COL23A1: variants seen among roughly 807,000 people sequenced by gnomAD.
The protein encoded by COL23A1 is collagen alpha-1(XXIII) chain.
In COL23A1, 97 loss-of-function variants were observed where a neutral mutation model predicts 99.3. That is an observed-to-expected ratio of 0.98 (90% CI 0.83 to 1.16). COL23A1 has a LOEUF of 1.16. Ranked by LOEUF, COL23A1 falls within the 50% of genes most tolerant of loss-of-function variation. COL23A1 has a pLI of 0.00. For synonymous variants in COL23A1, 320 were observed against 308.2 expected (o/e 1.04, Z -0.40); for missense variants, 762 against 757.4 (o/e 1.01, Z -0.07).
At position 178,252,554 on chromosome 5, in the gene COL23A1, G is replaced by C. The variant is rs200818402; in HGVS notation, c.1004C>G (p.Pro335Arg). ...TGCATCTGCACTGACCTTGGCTCCA[G>C]GGATCCCTGGTGGCCCTGGGGGCCC... ...PQGPPGPPGIPGAKGELGLPG... is the reference protein window; with the variant it reads ...PQGPPGPPGIRGAKGELGLPG... Residue 335 changes from proline to arginine, a missense_variant, in exon 17 of 29, where the codon CCT (proline) becomes CGT (arginine). Coordinates refer to ENST00000390654, the MANE Select transcript of COL23A1 (RefSeq NM_173465.4). The C allele has an allele frequency of 1.4e-4, 232 of 1,611,792 alleles. No individual in the cohort carries two copies. In the African/African-American group the frequency reaches 2.5e-3, roughly 17 times the overall value.
chr5:178,281,216 G>A lies in COL23A1; in HGVS notation c.441+7108C>T, dbSNP rs1255475939. Among the ~76,000 whole-genome samples, 2 of 152,210 alleles carry A rather than the reference G, an allele frequency of 1.3e-5. No individual in the cohort carries two copies. The highest frequency in any genetic ancestry group is 2.4e-5 in the African/African-American group (1 of 41,452). On this transcript the variant is annotated intron_variant, in intron 5 of 28. Transcript: ENST00000390654. The surrounding 1 kb of genome is among the most constrained non-coding windows in gnomAD (Gnocchi z 4.0). ...TTGAAATCTAAAAACAGATGAATTT[G>A]GGATATTTCAGATAAATCGTTTAAC... is the stretch of plus-strand genomic sequence containing the variant.
chr5:178,288,285 A>C lies in COL23A1; in HGVS notation c.441+39T>G, dbSNP rs1757264950. On this transcript the variant is annotated intron_variant, in intron 5 of 28. Coordinates refer to ENST00000390654, the MANE Select transcript of COL23A1 (RefSeq NM_173465.4). ...CAGGGAAAGAATATTGGTTTAAGAGAAAAGGGTGAAGAGAGCAAAAAAATA... is the reference window on the plus strand; with the variant it reads ...CAGGGAAAGAATATTGGTTTAAGAGCAAAGGGTGAAGAGAGCAAAAAAATA... 6 of 1,505,086 alleles carry C rather than the reference A, an allele frequency of 4.0e-6. No individual in the cohort carries two copies. The East Asian group carries it at 1.3e-4, about 34-fold the overall frequency. The allele number at this position is 1,505,086 out of a possible 1,614,324, so 93.2% of individuals were successfully genotyped here.
intron 2 of COL23A1, among the ~76,000 whole-genome samples, chr5:178,485,288 A>G (rs751594126): frequency 2.0e-5 from 3 of 151,724 alleles, no homozygotes; most frequent in Non-Finnish European, 4.4e-5. Flanking sequence ...CCTGGCCAAC[A>G]TAGCAAAACC....
At chr5:178,546,015 A>T (rs1761557477) in intron 2 of COL23A1, among the ~76,000 whole-genome samples, 1 of 151,656 alleles carries the variant, frequency 6.6e-6, no homozygotes, top group South Asian at 2.1e-4. Context: ...CCAAACCCTG[A>T]CACCCCTCCT....
intron 2 of COL23A1, among the ~76,000 whole-genome samples, chr5:178,486,119 T>C (rs1241895849): frequency 6.6e-6 from 1 of 152,208 alleles, no homozygotes; most frequent in Non-Finnish European, 1.5e-5. Context: ...GCAATACACA[T>C]GTAAAGCTGG....
At chr5:178,265,398 C>T (rs1755824944) in intron 8 of COL23A1, among the ~76,000 whole-genome samples, 1 of 152,202 alleles carries the variant, frequency 6.6e-6, no homozygotes, top group Non-Finnish European at 1.5e-5. Flanking sequence ...AATTTGAAGA[C>T]ACCCCCTTAG....
At position 178,365,989 on chromosome 5, in the gene COL23A1, G is replaced by C. The variant is rs2910110; in HGVS notation, c.362-59070C>G. On this transcript the variant is annotated intron_variant, in intron 2 of 28. Transcript: ENST00000390654. The surrounding 1 kb of genome is among the most constrained non-coding windows in gnomAD (Gnocchi z 5.2). ...CAAGCCCCACTCCAGCCCTCCTCAA[G>C]TGGGTCACTCCTCACGGCCTGTGAG... Among the ~76,000 whole-genome samples the C allele has an allele frequency of 0.76, 116,147 of 152,098 alleles. 44,424 individuals are homozygous for C. Among genetic ancestry groups the C allele is most frequent in the East Asian group, 0.89 (4,586 of 5,170 alleles).
rs759125080 is a variant in COL23A1 at position 178,248,227 on chromosome 5, C to G, written c.1177G>C (p.Gly393Arg). The G allele has an allele frequency of 8.1e-6, 13 of 1,612,326 alleles. No individual in the cohort carries two copies. Among genetic ancestry groups the G allele is most frequent in the South Asian group, 2.2e-5 (2 of 91,028 alleles). ...TGTAGGCTGTCAGACGCCGACTCCC[C>G]CTTCTCCCCCTTGAGGCCGTCAGCG... ...PGADGLKGEK[G>R]ESASDSLQES... Residue 393 changes from glycine to arginine, a missense_variant, in exon 20 of 29, where the codon GGG (glycine) becomes CGG (arginine). Coordinates refer to ENST00000390654, the MANE Select transcript of COL23A1 (RefSeq NM_173465.4).
chr5:178,310,105 G>A lies in COL23A1; in HGVS notation c.362-3186C>T, dbSNP rs1561849087. Among the ~76,000 whole-genome samples, 1 of 152,230 alleles carries A rather than the reference G, an allele frequency of 6.6e-6. No homozygotes were observed. The highest frequency in any genetic ancestry group is 1.5e-5 in the Non-Finnish European group (1 of 68,036). ...GTGACGTGCCAGTGAGATAGGGAGTGCCTTCCACCCTTCCTTTCCCGGACT... is the reference window on the plus strand; with the variant it reads ...GTGACGTGCCAGTGAGATAGGGAGTACCTTCCACCCTTCCTTTCCCGGACT... On this transcript the variant is annotated intron_variant, in intron 2 of 28. Transcript: ENST00000390654. The surrounding 1 kb of genome is among the most constrained non-coding windows in gnomAD (Gnocchi z 4.3).
chr5:178,375,385 C>G (rs554958724), intron 2 of COL23A1, among the ~76,000 whole-genome samples: 4 of 152,188 alleles, frequency 2.6e-5, no homozygotes, highest in Non-Finnish European at 5.9e-5. Context: ...TGCCTCCAGG[C>G]ACCACCTTGC....
chr5:178,249,210 A>G lies in COL23A1; in HGVS notation c.1060-4T>C. On this transcript the variant is annotated splice_region_variant and splice_polypyrimidine_tract_variant and intron_variant, in intron 18 of 28. Transcript: ENST00000390654. ...CTCCTTTCTGTCCTTTGGGGCCCTG[A>G]AAGCCATAAGCACAAGGGATGAGTG... 6.2e-7 allele frequency: 1 copy of G among 1,614,140 alleles called. No individual in the cohort carries two copies. Among genetic ancestry groups the G allele is most frequent in the Non-Finnish European group, 8.5e-7 (1 of 1,179,952 alleles).
At chr5:178,350,709 C>T (rs1761272772) in intron 2 of COL23A1, among the ~76,000 whole-genome samples, 1 of 152,150 alleles carries the variant, frequency 6.6e-6, no homozygotes, top group Non-Finnish European at 1.5e-5. Flanking sequence ...TGCCCGAGAC[C>T]CTGGGCAGCC....
intron 2 of COL23A1, among the ~76,000 whole-genome samples, chr5:178,359,080 C>G (rs1581226033): frequency 6.6e-6 from 1 of 152,200 alleles, no homozygotes; most frequent in East Asian, 1.9e-4. Flanking sequence ...GATGGCAGCT[C>G]TCCAGGCTGA....
At chr5:178,270,054 C>T (rs1450559982) in intron 6 of COL23A1, among the ~76,000 whole-genome samples, 1 of 152,170 alleles carries the variant, frequency 6.6e-6, no homozygotes, top group Non-Finnish European at 1.5e-5. Context: ...GGGACTGTGC[C>T]GTCCACAGTT....
At chr5:178,512,210 T>A (rs1472711668) in intron 2 of COL23A1, among the ~76,000 whole-genome samples, 2 of 152,252 alleles carry the variant, frequency 1.3e-5, no homozygotes, top group Non-Finnish European at 2.9e-5. Context: ...GCACACTCTT[T>A]CAATGGTCTC....
chr5:178,271,609 G>T (rs1756290821), intron 5 of COL23A1, among the ~76,000 whole-genome samples: 1 of 152,216 alleles, frequency 6.6e-6, no homozygotes, highest in Non-Finnish European at 1.5e-5. Context: ...GATGGGGCCT[G>T]GCAGGCAGCA....
At chr5:178,586,591 T>G (rs986960928) in intron 1 of COL23A1, among the ~76,000 whole-genome samples, 2 of 136,144 alleles carry the variant, frequency 1.5e-5, no homozygotes, top group African/African-American at 5.7e-5. Flanking sequence ...ATTATAAAGC[T>G]CTCCCAAACT....
chr5:178,309,486 T>C lies in COL23A1; in HGVS notation c.362-2567A>G, dbSNP rs1758550756. On this transcript the variant is annotated intron_variant, in intron 2 of 28. Coordinates refer to ENST00000390654, the MANE Select transcript of COL23A1 (RefSeq NM_173465.4). This position sits in a 1 kb window ranked among gnomAD's most constrained non-coding sequence, Gnocchi z 4.7. ...GCTGGTCATGCACACTCCTGAGGGC[T>C]GATCCTAACCAGGCACGGTGCTGGG... Among the ~76,000 whole-genome samples the C allele has an allele frequency of 1.3e-5, 2 of 152,074 alleles. No homozygotes were observed.
Position 178,376,499 on chromosome 5 carries a change from G to C in COL23A1, c.362-69580C>G, listed in dbSNP as rs112154150. The stretch of plus-strand genomic sequence containing the variant: ...GGGAGACCCCCTGCACTGCATTGGT[G>C]CCCCTGGTCTTCTAGACAAAGGGCA... On this transcript the variant is annotated intron_variant, in intron 2 of 28. Coordinates refer to ENST00000390654, the MANE Select transcript of COL23A1 (RefSeq NM_173465.4). Among the ~76,000 whole-genome samples, 1,315 of 152,344 alleles carry C rather than the reference G, an allele frequency of 8.6e-3. 23 individuals are homozygous for C. Among genetic ancestry groups the C allele is most frequent in the African/African-American group, 0.03 (1,250 of 41,584 alleles).
Sources: allele counts gnomAD v4.1 joint callset (sites outside exome capture counted in the v4.1 genomes callset), GRCh38; gene constraint gnomAD v4.1.1; non-coding constraint Gnocchi (gnomAD v3.1); transcripts MANE v1.5; gene names NCBI Gene and HGNC (gene_info 2026-07-23, HGNC 2026-07-21).